The following GALNT13 variants were observed in gnomAD, a reference collection of about 807,000 sequenced individuals.
GALNT13 encodes polypeptide N-acetylgalactosaminyltransferase 13.
In GALNT13, 28 loss-of-function variants were observed where a neutral mutation model predicts 64.2. That is an observed-to-expected ratio of 0.44 (90% CI 0.32 to 0.60). The LOEUF is 0.60. Ranked by LOEUF, GALNT13 falls within the 20% of genes least tolerant of loss-of-function variation. The pLI, the probability that GALNT13 is intolerant of heterozygous loss-of-function variation, is 0.05. For synonymous variants in GALNT13, 214 were observed against 224.6 expected (o/e 0.95, Z 0.42); for missense variants, 577 against 669.8 (o/e 0.86, Z 1.53).
chr2:153,404,791 G>A, the GALNT13 span, among the ~76,000 whole-genome samples: 54 of 152,298 alleles, frequency 3.5e-4, no homozygotes, highest in African/African-American at 1.2e-3. Flanking sequence ...TTCAGTAAAC[G>A]AGACTGGCTA....
the GALNT13 span, among the ~76,000 whole-genome samples, chr2:153,608,406 G>C: frequency 3.0e-4 from 46 of 151,984 alleles, no homozygotes; most frequent in Admixed American, 1.2e-3. Flanking sequence ...CTTCAAAACA[G>C]GTAGAAGATT....
the GALNT13 span, among the ~76,000 whole-genome samples, chr2:153,617,816 T>C: frequency 6.6e-6 from 1 of 152,058 alleles, no homozygotes; most frequent in East Asian, 1.9e-4. Context: ...TGTCTATTTC[T>C]TCTAGATCTT....
At chr2:153,327,216 C>T in the GALNT13 span, among the ~76,000 whole-genome samples, 2 of 152,178 alleles carry the variant, frequency 1.3e-5, no homozygotes, top group Non-Finnish European at 2.9e-5. Context: ...CTATTCTTCT[C>T]TCTGGCTGCC....
chr2:153,120,757 AG>A, the GALNT13 span, among the ~76,000 whole-genome samples: 13 of 152,292 alleles, frequency 8.5e-5, no homozygotes, highest in African/African-American at 3.1e-4. Flanking sequence ...GAGCCAGAGG[AG>A]GAGTGAGAGG....
chr2:153,771,741 A>G, the GALNT13 span, among the ~76,000 whole-genome samples: 5 of 152,182 alleles, frequency 3.3e-5, no homozygotes, highest in Middle Eastern at 3.4e-3. Flanking sequence ...AGCGGAGAGG[A>G]CTCCAGTGCC....
chr2:154,028,995 C>A (rs1698163651), intron 3 of GALNT13, among the ~76,000 whole-genome samples: 1 of 151,768 alleles, frequency 6.6e-6, no homozygotes, highest in Non-Finnish European at 1.5e-5. Context: ...CAGATACTGC[C>A]AGATAGCAGT....
intron 10 of GALNT13, among the ~76,000 whole-genome samples, chr2:154,405,595 A>AG (rs1699495991): frequency 6.6e-6 from 1 of 151,408 alleles, no homozygotes; most frequent in Non-Finnish European, 1.5e-5. Context: ...AAAAAAAAAA[A>AG]AAAAAAAATT....
chr2:154,355,622 A>G (rs940808447), intron 9 of GALNT13, among the ~76,000 whole-genome samples: 41 of 152,086 alleles, frequency 2.7e-4, no homozygotes, highest in African/African-American at 9.4e-4. Context: ...ATTCATTATC[A>G]TTACTGCTAA....
the GALNT13 span, among the ~76,000 whole-genome samples, chr2:153,139,520 T>C: frequency 6.6e-6 from 1 of 151,834 alleles, no homozygotes; most frequent in Non-Finnish European, 1.5e-5. Flanking sequence ...AGGGAAAAGA[T>C]TGGCTGGGGC....
chr2:153,766,912 C>A, the GALNT13 span, among the ~76,000 whole-genome samples: 2 of 152,004 alleles, frequency 1.3e-5, no homozygotes, highest in African/African-American at 4.8e-5. Flanking sequence ...TTTCTTTTCA[C>A]TTTTTTATTT....
the GALNT13 span, among the ~76,000 whole-genome samples, chr2:153,485,492 A>AAGAT: frequency 6.6e-6 from 1 of 152,358 alleles, no homozygotes; most frequent in African/African-American, 2.4e-5. Flanking sequence ...ATTTATGTGT[A>AAGAT]AGATAGGTTT....
At chr2:153,871,014 T>A (rs1335878300), upstream of GALNT13, among the ~76,000 whole-genome samples, 3 of 152,108 alleles carry the variant, frequency 2.0e-5, no homozygotes, top group Non-Finnish European at 2.9e-5. Flanking sequence ...CCCATGGCAG[T>A]GGGGGACAGG....
the GALNT13 span, among the ~76,000 whole-genome samples, chr2:153,199,449 A>G: frequency 6.6e-6 from 1 of 152,114 alleles, no homozygotes. Context: ...TGGGACCTCT[A>G]TTGCCTCTGG....
chr2:153,090,770 G>C, the GALNT13 span, among the ~76,000 whole-genome samples: 1 of 152,056 alleles, frequency 6.6e-6, no homozygotes, highest in Non-Finnish European at 1.5e-5. Context: ...CTGGACTCAA[G>C]CTCTTCTTGG....
the GALNT13 span, among the ~76,000 whole-genome samples, chr2:153,826,218 G>T: frequency 6.6e-6 from 1 of 152,128 alleles, no homozygotes; most frequent in Non-Finnish European, 1.5e-5. Flanking sequence ...CACATGATGA[G>T]GGGGCTGAAC....
At chr2:153,132,993 G>A in the GALNT13 span, among the ~76,000 whole-genome samples, 79 of 151,738 alleles carry the variant, frequency 5.2e-4, no homozygotes, top group African/African-American at 1.8e-3. Flanking sequence ...AAAGTGCTGG[G>A]ATTACGGGCA....
intron 9 of GALNT13, among the ~76,000 whole-genome samples, chr2:154,335,459 A>G (rs1695392160): frequency 1.3e-5 from 2 of 151,798 alleles, no homozygotes; most frequent in African/African-American, 4.8e-5. Flanking sequence ...GGGGGTGGGG[A>G]ATTTTCTGCT....
chr2:153,375,859 G>C, the GALNT13 span, among the ~76,000 whole-genome samples: 2 of 152,142 alleles, frequency 1.3e-5, no homozygotes, highest in South Asian at 4.2e-4. Flanking sequence ...TTTGACTCAT[G>C]GTTCTGCAAG....
At chr2:153,303,798 G>C in the GALNT13 span, among the ~76,000 whole-genome samples, 1 of 151,858 alleles carries the variant, frequency 6.6e-6, no homozygotes, top group Non-Finnish European at 1.5e-5. Flanking sequence ...TTTGGCAGGG[G>C]TGGGGATAGA....
Sources: gnomAD v4.1 joint callset for allele counts (sites outside exome capture counted in the v4.1 genomes callset) on GRCh38, gnomAD v4.1.1 for gene constraint, MANE v1.5 for transcripts, NCBI Gene and HGNC (gene_info 2026-07-23, HGNC 2026-07-21) for gene names.